The following RSU1 variants were observed in gnomAD, a reference collection of about 807,000 sequenced individuals.
RSU1 encodes Ras suppressor protein 1.
RSU1 carries 26 observed loss-of-function variants against 31.1 expected under a neutral mutation model. The observed-to-expected ratio is 0.84, with a 90% confidence interval of 0.61 to 1.16. RSU1 has a LOEUF of 1.16. RSU1 is among the 50% of genes most tolerant of loss of function. The probability of loss-of-function intolerance (pLI) is 0.00; values close to 1 mark genes in which losing one functional copy is unlikely to be tolerated. For missense variants in RSU1, 320 were observed against 339.1 expected (o/e 0.94, Z 0.44); for synonymous variants, 164 against 136.3 (o/e 1.20, Z -1.41).
intron 8 of RSU1, among the ~76,000 whole-genome samples, chr10:16,631,547 C>G (rs1834249219): frequency 6.6e-6 from 1 of 152,226 alleles, no homozygotes; most frequent in Non-Finnish European, 1.5e-5. Flanking sequence ...TAAACTCCAA[C>G]TGGGCCACCA....
intron 4 of RSU1, among the ~76,000 whole-genome samples, chr10:16,756,603 T>C (rs1375142097): frequency 6.6e-6 from 1 of 152,236 alleles, no homozygotes; most frequent in Non-Finnish European, 1.5e-5. Flanking sequence ...CTTACTTTAT[T>C]GTAAGAATGC....
intron 2 of RSU1, among the ~76,000 whole-genome samples, chr10:16,786,749 C>T (rs1476185030): frequency 2.0e-5 from 3 of 152,294 alleles, no homozygotes; most frequent in East Asian, 1.9e-4. Context: ...CCTCTAACGA[C>T]GAGAACTCCG....
At chr10:16,693,488 A>G (rs528545333) in intron 8 of RSU1, among the ~76,000 whole-genome samples, 1 of 152,236 alleles carries the variant, frequency 6.6e-6, no homozygotes, top group East Asian at 1.9e-4. Context: ...AAAAAAAAAA[A>G]AAAGAAAAGA....
chr10:16,816,838 C>T (rs956362370), intron 2 of RSU1, 135 bp downstream of exon 2: 2 of 648,422 alleles, frequency 3.1e-6, no homozygotes, highest in South Asian at 1.8e-5. Flanking sequence ...TGCGCGAAGC[C>T]CCTGACAAGT....
rs1423115399 is a variant in RSU1, at chr10:16,752,954, C to A, written c.447G>T (p.Leu149=). Residue 149 remains leucine (L), a synonymous_variant, in exon 6 of 9, where the codon CTG becomes CTT. Transcript: ENST00000345264. ...LYLSDNDFEI[L]PPDIGKLTKL... ...TTGTGAGCTTCCCAATATCTGGCGG[C>A]AGGATTTCAAAATCGTTGTCACTTA... The A allele has an allele frequency of 6.2e-7, 1 of 1,613,914 alleles. No individual in the cohort carries two copies. The highest frequency in any genetic ancestry group is 1.3e-5 in the African/African-American group (1 of 75,020).
intron 7 of RSU1, among the ~76,000 whole-genome samples, chr10:16,710,208 T>C (rs1215031026): frequency 6.6e-6 from 1 of 152,206 alleles, no homozygotes; most frequent in Admixed American, 6.5e-5. Context: ...TTGTTGAGTT[T>C]TTATGAAAGA....
chr10:16,672,635 A>C (rs921890555), intron 8 of RSU1, among the ~76,000 whole-genome samples: 2 of 152,276 alleles, frequency 1.3e-5, no homozygotes, highest in Admixed American at 6.5e-5. Flanking sequence ...AATAGAGTAC[A>C]CATTATATGT....
intron 8 of RSU1, among the ~76,000 whole-genome samples, chr10:16,639,798 C>A (rs961103921): frequency 6.6e-6 from 1 of 152,182 alleles, no homozygotes; most frequent in African/African-American, 2.4e-5. Flanking sequence ...TTGCATCTAT[C>A]TGTCTGTGCC....
intron 7 of RSU1, among the ~76,000 whole-genome samples, chr10:16,731,865 G>A (rs7094644): frequency 0.76 from 114,862 of 151,804 alleles, 44,361 homozygotes; most frequent in African/African-American, 0.92. Flanking sequence ...TATCTCCAAC[G>A]CTTTTGAGAG....
At chr10:16,752,116 T>C (rs1015988786) in intron 7 of RSU1, among the ~76,000 whole-genome samples, 1 of 152,220 alleles carries the variant, frequency 6.6e-6, no homozygotes, top group Non-Finnish European at 1.5e-5. Flanking sequence ...AACTATTTGG[T>C]AAAAGTTTTT....
At chr10:16,795,353 CAAA>C (rs532677802) in intron 2 of RSU1, among the ~76,000 whole-genome samples, 296 of 75,198 alleles carry the variant, frequency 3.9e-3, no homozygotes, top group East Asian at 0.011. Flanking sequence ...GACTCCATCT[CAAA>C]AAAAAAAAAA....
chr10:16,751,242 G>C (rs191800300), intron 7 of RSU1, among the ~76,000 whole-genome samples: 4 of 152,236 alleles, frequency 2.6e-5, no homozygotes, highest in Admixed American at 2.6e-4. Flanking sequence ...CTGTCACCCT[G>C]CTCCCAAAGC....
intron 8 of RSU1, among the ~76,000 whole-genome samples, chr10:16,612,424 G>A (rs1438597827): frequency 6.6e-6 from 1 of 152,146 alleles, no homozygotes; most frequent in Non-Finnish European, 1.5e-5. Context: ...CCTGGAGGAA[G>A]GTGCAAACTC....
At chr10:16,608,180 G>A (rs1045605755) in intron 8 of RSU1, among the ~76,000 whole-genome samples, 23 of 152,090 alleles carry the variant, frequency 1.5e-4, no homozygotes, top group Admixed American at 1.4e-3. Flanking sequence ...CTCCTCCATC[G>A]CCCATGGATT....
At chr10:16,783,694 C>T (rs1015322785) in intron 2 of RSU1, among the ~76,000 whole-genome samples, 1 of 151,560 alleles carries the variant, frequency 6.6e-6, no homozygotes, top group Non-Finnish European at 1.5e-5. Flanking sequence ...TTTTTCAAAC[C>T]ATTGCAAACT....
intron 8 of RSU1, among the ~76,000 whole-genome samples, chr10:16,677,444 G>C (rs1207716409): frequency 2.0e-5 from 3 of 152,132 alleles, no homozygotes; most frequent in African/African-American, 4.8e-5. Context: ...AAATAAAAAT[G>C]GGGGTAGGAA....
At chr10:16,727,258 A>G (rs189346528) in intron 7 of RSU1, 4 of 394,250 alleles carry the variant, frequency 1.0e-5, no homozygotes, top group Admixed American at 8.3e-5. Context: ...TTCACAGAGG[A>G]GATAACTTGA....
chr10:16,599,725 G>A lies in RSU1; in HGVS notation c.732-6229C>T, dbSNP rs183443011. On this transcript the variant is annotated intron_variant, in intron 8 of 8. Transcript: ENST00000345264. ...ACAGCTGCCGCTTCTAACCTCTTAG[G>A]AAGCTTCTCTGACGCAGGCTACCAG... Among the ~76,000 whole-genome samples the A allele has an allele frequency of 1.3e-3, 192 of 152,346 alleles. 1 individual carries two copies. The highest frequency in any genetic ancestry group is 4.5e-3 in the African/African-American group (186 of 41,586).
intron 7 of RSU1, among the ~76,000 whole-genome samples, chr10:16,717,456 T>C (rs1269815689): frequency 6.6e-6 from 1 of 152,220 alleles, no homozygotes; most frequent in Non-Finnish European, 1.5e-5. Context: ...TGCATTTTCA[T>C]GAAACATTTT....
Sources: gnomAD v4.1 joint callset for allele counts (sites outside exome capture counted in the v4.1 genomes callset) on GRCh38, gnomAD v4.1.1 for gene constraint, MANE v1.5 for transcripts, NCBI Gene and HGNC (gene_info 2026-07-23, HGNC 2026-07-21) for gene names.